Variants in MMRN1 observed in about 807,000 individuals in gnomAD.
MMRN1 encodes multimerin 1.
A neutral mutation model predicts 100.7 loss-of-function variants in MMRN1; 94 were observed. The ratio of observed to expected loss-of-function variants is 0.93; its 90% confidence interval spans 0.79 to 1.11. The LOEUF is 1.11. Ranked by LOEUF, MMRN1 falls within the 50% of genes least tolerant of loss-of-function variation. The pLI, the probability that MMRN1 is intolerant of heterozygous loss-of-function variation, is 0.00. For synonymous variants in MMRN1, 575 were observed against 505.0 expected (o/e 1.14, Z -1.86); for missense variants, 1,606 against 1,439.1 (o/e 1.12, Z -1.88).
At chr4:89,939,462 A>C (rs1259744302) in intron 6 of MMRN1, among the ~76,000 whole-genome samples, 1 of 152,176 alleles carries the variant, frequency 6.6e-6, no homozygotes, top group Non-Finnish European at 1.5e-5. Flanking sequence ...ATTCATTAAC[A>C]TTTACTATAT....
intron 4 of MMRN1, among the ~76,000 whole-genome samples, chr4:89,926,749 G>A (rs1008034675): frequency 3.3e-5 from 5 of 152,068 alleles, no homozygotes; most frequent in Non-Finnish European, 5.9e-5. Flanking sequence ...TCTTATAGTA[G>A]TTTCATGTTT....
intron 1 of MMRN1, among the ~76,000 whole-genome samples, chr4:89,880,409 G>A (rs1046835918): frequency 3.9e-5 from 6 of 152,120 alleles, no homozygotes; most frequent in African/African-American, 1.4e-4. Context: ...TGCACAAAGA[G>A]TTAACCATTA....
intron 5 of MMRN1, among the ~76,000 whole-genome samples, chr4:89,933,580 G>A (rs1055285236): frequency 2.0e-5 from 3 of 152,200 alleles, no homozygotes; most frequent in African/African-American, 7.2e-5. Context: ...AATCGTGGCA[G>A]AAGGTGAAGA....
chr4:89,931,584 A>G (rs1008958328), intron 5 of MMRN1, among the ~76,000 whole-genome samples: 1 of 152,174 alleles, frequency 6.6e-6, no homozygotes, highest in African/African-American at 2.4e-5. Context: ...TATATAGAAA[A>G]AGAGGTTTGA....
upstream of MMRN1, among the ~76,000 whole-genome samples, chr4:89,894,106 T>A (rs888734295): frequency 6.6e-6 from 1 of 152,112 alleles, no homozygotes; most frequent in African/African-American, 2.4e-5. Flanking sequence ...TATCCCTTAC[T>A]AGTAAAATAT....
chr4:89,930,154 T>TG (rs1722391675), intron 5 of MMRN1, among the ~76,000 whole-genome samples: 1 of 152,154 alleles, frequency 6.6e-6, no homozygotes, highest in African/African-American at 2.4e-5. Flanking sequence ...ATAAAGCACT[T>TG]TGACATGTTC....
intron 5 of MMRN1, among the ~76,000 whole-genome samples, chr4:89,934,513 T>C (rs1722539532): frequency 6.6e-6 from 1 of 152,302 alleles, no homozygotes; most frequent in South Asian, 2.1e-4. Flanking sequence ...CACAAGGGTG[T>C]ATTACTGAAG....
intron 4 of MMRN1, among the ~76,000 whole-genome samples, chr4:89,924,541 A>G (rs1053555324): frequency 2.0e-5 from 3 of 151,422 alleles, no homozygotes; most frequent in Non-Finnish European, 4.4e-5. Context: ...TTAATTTTTA[A>G]TTAAAAATTT....
chr4:89,939,629 T>C (rs576161046), intron 6 of MMRN1, among the ~76,000 whole-genome samples: 2 of 152,294 alleles, frequency 1.3e-5, no homozygotes, highest in Admixed American at 1.3e-4. Context: ...TGATAGAGCT[T>C]GGCTTCTGGC....
chr4:89,914,532 A>G (rs1721853664), intron 3 of MMRN1, among the ~76,000 whole-genome samples: 1 of 151,472 alleles, frequency 6.6e-6, no homozygotes, highest in Admixed American at 6.6e-5. Flanking sequence ...ATAGAACTTT[A>G]TTGGGGGAAA....
At position 89,953,010 on chromosome 4, in the gene MMRN1, A is replaced by C. The variant is rs1235051354; in HGVS notation, c.3279A>C (p.Gly1093=). 1.3e-6 allele frequency: 2 copies of C among 1,584,340 alleles called. No individual in the cohort carries two copies. The stretch of plus-strand genomic sequence containing the variant: ...TTCCTCTAACAGATTTTTCCAAAGG[A>C]TCTTACAGATATGCACCCATGGTGG... ...ENALAPDFSK[G]SYRYAPMVAF... is the part of the protein sequence containing the mutation. The change falls in exon 8 of 8, where the codon GGA becomes GGC. Residue 1093 remains glycine, a synonymous_variant. Coordinates refer to ENST00000264790, the MANE Select transcript of MMRN1 (RefSeq NM_007351.3).
At chr4:89,939,065 G>A (rs577572327) in intron 6 of MMRN1, among the ~76,000 whole-genome samples, 2 of 152,224 alleles carry the variant, frequency 1.3e-5, no homozygotes, top group East Asian at 1.9e-4. Context: ...CAAGGTCTAT[G>A]AAAGATGATG....
chr4:89,946,067 T>C (rs1722976469), intron 6 of MMRN1, among the ~76,000 whole-genome samples: 1 of 152,214 alleles, frequency 6.6e-6, no homozygotes, highest in Non-Finnish European at 1.5e-5. Flanking sequence ...GAAATATTTC[T>C]AGAGCAACAG....
chr4:89,936,304 C>G lies in MMRN1; in HGVS notation c.2624C>G (p.Pro875Arg). ...TCTAAAGTTACCCAGACGCTCATAC[C>G]TTATTATATTTCAGTTAAAAAAGGC... is the stretch of plus-strand genomic sequence containing the variant. ...IESKVTQTLI[P>R]YYISVKKGSV... Residue 875 changes from proline (P) to arginine (R), a missense_variant, in exon 6 of 8, where the codon CCT (proline) becomes CGT (arginine). Coordinates refer to ENST00000264790, the MANE Select transcript of MMRN1 (RefSeq NM_007351.3). The G allele has an allele frequency of 5.6e-6, 9 of 1,612,504 alleles. No individual in the cohort carries two copies. The highest frequency in any genetic ancestry group is 7.6e-6 in the Non-Finnish European group (9 of 1,179,478).
chr4:89,904,646 GTGTT>G (rs1420544219), intron 1 of MMRN1, among the ~76,000 whole-genome samples: 6 of 151,806 alleles, frequency 4.0e-5, no homozygotes, highest in African/African-American at 9.7e-5. Flanking sequence ...GTGTCTGTGT[GTGTT>G]TGTGTGTGTG....
chr4:89,920,497 A>G (rs995475455), intron 3 of MMRN1, among the ~76,000 whole-genome samples: 1 of 152,146 alleles, frequency 6.6e-6, no homozygotes, highest in Non-Finnish European at 1.5e-5. Flanking sequence ...TGAGGAAATC[A>G]GGAAGCTGTG....
intron 1 of MMRN1, among the ~76,000 whole-genome samples, chr4:89,904,815 A>G (rs1219602831): frequency 6.6e-6 from 1 of 151,664 alleles, no homozygotes; most frequent in Non-Finnish European, 1.5e-5. Flanking sequence ...AATCTGTTCT[A>G]TTTTTATTGA....
chr4:89,919,945 C>A (rs1222361526), intron 3 of MMRN1, among the ~76,000 whole-genome samples: 3 of 152,114 alleles, frequency 2.0e-5, no homozygotes, highest in Non-Finnish European at 4.4e-5. Flanking sequence ...CAATGATAAA[C>A]TGTTCATTCT....
At chr4:89,947,647 A>G (rs1723029484) in intron 6 of MMRN1, among the ~76,000 whole-genome samples, 1 of 152,182 alleles carries the variant, frequency 6.6e-6, no homozygotes, top group African/African-American at 2.4e-5. Flanking sequence ...AATGGAGAGA[A>G]CTAAAGTGAT....
Sources: gnomAD v4.1 joint callset for allele counts (sites outside exome capture counted in the v4.1 genomes callset) on GRCh38, gnomAD v4.1.1 for gene constraint, MANE v1.5 for transcripts, NCBI Gene and HGNC (gene_info 2026-07-23, HGNC 2026-07-21) for gene names.